The following NHERF4 variants were observed in gnomAD, a reference collection of about 807,000 sequenced individuals.
NHERF4 encodes the protein Na(+)/H(+) exchange regulatory cofactor NHE-RF4.
the NHERF4 span, chr11:119,187,153 A>AAAAAG: frequency 1.1e-6 from 1 of 873,412 alleles, no homozygotes; most frequent in Non-Finnish European, 1.7e-6. Context: ...AAAAAAAAAA[A>AAAAAG]AAAAAGAAAA....
chr11:119,189,440 T>C, the NHERF4 span: 14 of 1,613,890 alleles, frequency 8.7e-6, no homozygotes, highest in East Asian at 1.1e-4. The surrounding 1 kb of genome is among the most constrained non-coding windows in gnomAD (Gnocchi z 5.8). Context: ...TGGAATGACC[T>C]TCTACCTCCT....
the NHERF4 span, chr11:119,189,530 C>A: frequency 1.2e-6 from 2 of 1,607,740 alleles, no homozygotes; most frequent in South Asian, 2.2e-5. This position sits in a 1 kb window ranked among gnomAD's most constrained non-coding sequence, Gnocchi z 5.8. Flanking sequence ...CAGGGGCTAC[C>A]GTGTCTTCAC....
the NHERF4 span, chr11:119,187,159 GAAAA>G: frequency 1.5e-6 from 1 of 645,744 alleles, no homozygotes; most frequent in South Asian, 2.9e-5. Context: ...AAAAAAAAAA[GAAAA>G]AGAAAAAAAG....
the NHERF4 span, chr11:119,186,473 C>A: frequency 6.2e-7 from 1 of 1,613,964 alleles, no homozygotes; most frequent in African/African-American, 1.3e-5. This position sits in a 1 kb window ranked among gnomAD's most constrained non-coding sequence, Gnocchi z 4.4. Flanking sequence ...CCACCTCACC[C>A]TCCAGATCCC....
the NHERF4 span, chr11:119,187,580 CT>C: frequency 6.3e-7 from 1 of 1,590,618 alleles, no homozygotes; most frequent in Non-Finnish European, 8.6e-7. Flanking sequence ...AGGGTCCTTT[CT>C]GGTTGGTGCT....
At chr11:119,188,569 G>T in the NHERF4 span, 2 of 1,603,122 alleles carry the variant, frequency 1.2e-6, no homozygotes, top group Non-Finnish European at 1.7e-6. Flanking sequence ...CTGAGGGGCA[G>T]GGGCTAGGGT....
the NHERF4 span, chr11:119,188,707 C>T: frequency 6.2e-7 from 1 of 1,614,224 alleles, no homozygotes; most frequent in Non-Finnish European, 8.5e-7. Context: ...GGCAGCAGCT[C>T]AGCCTCACTG....
chr11:119,186,688 G>T, the NHERF4 span: 1 of 1,599,946 alleles, frequency 6.3e-7, no homozygotes, highest in South Asian at 1.1e-5. The surrounding 1 kb of genome is among the most constrained non-coding windows in gnomAD (Gnocchi z 4.4). Context: ...AGACTATGCG[G>T]TGGTAAGGCT....
chr11:119,185,845 T>A, the NHERF4 span: 1 of 1,595,878 alleles, frequency 6.3e-7, no homozygotes, highest in Non-Finnish European at 8.6e-7. Flanking sequence ...CTGAGTCCTT[T>A]TAGTTTATGC....
the NHERF4 span, chr11:119,186,509 G>C: frequency 6.2e-7 from 1 of 1,614,178 alleles, no homozygotes; most frequent in Non-Finnish European, 8.5e-7. The surrounding 1 kb of genome is among the most constrained non-coding windows in gnomAD (Gnocchi z 4.4). Context: ...CCTCGCTTCT[G>C]TTTACTGAGC....
the NHERF4 span, chr11:119,188,305 CAG>C: frequency 6.2e-7 from 1 of 1,607,676 alleles, no homozygotes; most frequent in Non-Finnish European, 8.5e-7. Flanking sequence ...GGTGTGTACA[CAG>C]TGGCCTAGGA....
chr11:119,186,046 C>T, the NHERF4 span: 4 of 1,610,212 alleles, frequency 2.5e-6, no homozygotes, highest in African/African-American at 1.3e-5. This position sits in a 1 kb window ranked among gnomAD's most constrained non-coding sequence, Gnocchi z 4.4. Flanking sequence ...TCCTGGGACC[C>T]AAGTCCAGCT....
the NHERF4 span, chr11:119,188,357 C>T: frequency 6.2e-7 from 1 of 1,613,938 alleles, no homozygotes; most frequent in Non-Finnish European, 8.5e-7. Flanking sequence ...TGCCCCAGGA[C>T]AGTTCCTGTG....
At chr11:119,190,170 C>T in the NHERF4 span, 1 of 980,038 alleles carries the variant, frequency 1.0e-6, no homozygotes, top group Non-Finnish European at 1.4e-6. This position sits in a 1 kb window ranked among gnomAD's most constrained non-coding sequence, Gnocchi z 4.2. Flanking sequence ...ACAACAAAAA[C>T]AAAAAAAGAA....
chr11:119,187,210 G>T, the NHERF4 span: 55 of 1,343,738 alleles, frequency 4.1e-5, no homozygotes, highest in Non-Finnish European at 5.3e-5. Flanking sequence ...ATTCCAGGGA[G>T]GTCCTGGGGG....
At chr11:119,185,548 G>C in the NHERF4 span, 1 of 1,598,446 alleles carries the variant, frequency 6.3e-7, no homozygotes, top group Non-Finnish European at 8.6e-7. Flanking sequence ...GGGGACTTTG[G>C]GACAGGCAGG....
At chr11:119,187,979 G>A in the NHERF4 span, 1 of 1,574,734 alleles carries the variant, frequency 6.4e-7, no homozygotes, top group Non-Finnish European at 8.6e-7. Context: ...GCTGGTGGCA[G>A]GGCCAGAGGT....
the NHERF4 span, chr11:119,189,180 C>G: frequency 3.7e-6 from 6 of 1,611,510 alleles, no homozygotes; most frequent in Non-Finnish European, 5.1e-6. This position sits in a 1 kb window ranked among gnomAD's most constrained non-coding sequence, Gnocchi z 5.8. Context: ...GGCTTGGAAG[C>G]CTGGATTCCC....
At chr11:119,187,678 C>T in the NHERF4 span, 2 of 1,526,178 alleles carry the variant, frequency 1.3e-6, no homozygotes, top group South Asian at 2.5e-5. Context: ...GAGAAGTTCA[C>T]TCACAACCAA....
Sources: allele counts gnomAD v4.1 joint callset, GRCh38; gene constraint gnomAD v4.1.1; non-coding constraint Gnocchi (gnomAD v3.1); transcripts MANE v1.5; gene names NCBI Gene and HGNC (gene_info 2026-07-23, HGNC 2026-07-21).